PAN3: variants seen among roughly 807,000 people sequenced by gnomAD.
PAN3 encodes poly(A) specific ribonuclease subunit PAN3.
PAN3 carries 19 observed loss-of-function variants against 96.2 expected under a neutral mutation model. That is an observed-to-expected ratio of 0.20 (90% CI 0.14 to 0.29). The LOEUF is 0.29. PAN3 is among the 10% of genes least tolerant of loss of function. The pLI is 1.00. For missense variants in PAN3, 882 were observed against 1,108.1 expected (o/e 0.80, Z 2.90); for synonymous variants, 433 against 406.6 (o/e 1.06, Z -0.78).
At chr13:28,191,966 G>A (rs533783761) in intron 4 of PAN3, among the ~76,000 whole-genome samples, 5 of 151,924 alleles carry the variant, frequency 3.3e-5, no homozygotes, top group Middle Eastern at 3.4e-3. Context: ...TCTTGAAGTC[G>A]GCTCAAACAG....
chr13:28,204,243 A>C (rs1322352065), intron 5 of PAN3, among the ~76,000 whole-genome samples: 1 of 152,162 alleles, frequency 6.6e-6, no homozygotes, highest in Non-Finnish European at 1.5e-5. Context: ...TCTTTCCTTT[A>C]GTCTTTGCCC....
At chr13:28,168,217 A>T (rs1346365846) in intron 1 of PAN3, among the ~76,000 whole-genome samples, 4 of 152,158 alleles carry the variant, frequency 2.6e-5, no homozygotes, top group Admixed American at 2.6e-4. Context: ...TTGGATTTCA[A>T]ATATTTTTGG....
intron 1 of PAN3, among the ~76,000 whole-genome samples, chr13:28,171,882 C>T (rs1327410213): frequency 2.6e-5 from 4 of 152,094 alleles, no homozygotes; most frequent in South Asian, 2.1e-4. Flanking sequence ...TTCTGGTGAA[C>T]GGCTCCCATC....
chr13:28,245,422 C>T (rs1396216461), intron 6 of PAN3, among the ~76,000 whole-genome samples: 2 of 151,194 alleles, frequency 1.3e-5, no homozygotes, highest in African/African-American at 4.9e-5. Context: ...TTCATTGTCC[C>T]CCCAACACCC....
intron 6 of PAN3, among the ~76,000 whole-genome samples, chr13:28,238,800 C>G (rs368085244): frequency 6.6e-6 from 1 of 151,826 alleles, no homozygotes; most frequent in East Asian, 1.9e-4. Context: ...ATTTTTTCCC[C>G]TTTTTTTTCA....
chr13:28,202,433 C>A (rs1204246423), intron 5 of PAN3, among the ~76,000 whole-genome samples: 1 of 151,996 alleles, frequency 6.6e-6, no homozygotes, highest in Non-Finnish European at 1.5e-5. Context: ...AGGATTTATT[C>A]TACCTATCTG....
In PAN3 at chr13:28,201,033, C is replaced by T. The variant is rs140869534; in HGVS notation, c.852+3687C>T. Among the ~76,000 whole-genome samples the T allele has an allele frequency of 3.0e-3, 459 of 151,796 alleles. 3 individuals carry two copies. The highest frequency in any genetic ancestry group is 0.011 in the African/African-American group (437 of 41,382). On this transcript the variant is annotated intron_variant, in intron 5 of 18. Transcript: ENST00000380958. ...TTTTATTGTGAAACTCTCTCTGTCTCTCTCTCTCTTTTTTTTTTTTCGAGA... is the reference window on the plus strand; with the variant it reads ...TTTTATTGTGAAACTCTCTCTGTCTTTCTCTCTCTTTTTTTTTTTTCGAGA...
chr13:28,268,766 ACT>A (rs1392185470), intron 12 of PAN3, among the ~76,000 whole-genome samples: 2 of 151,936 alleles, frequency 1.3e-5, no homozygotes, highest in African/African-American at 4.8e-5. Context: ...TCCTTTCAAG[ACT>A]CTAATTATAG....
At chr13:28,170,106 C>T (rs1874112938) in intron 1 of PAN3, among the ~76,000 whole-genome samples, 1 of 152,106 alleles carries the variant, frequency 6.6e-6, no homozygotes, top group South Asian at 2.1e-4. Flanking sequence ...CTGGCTATAT[C>T]AGCACTCCCT....
chr13:28,173,404 A>T (rs1383490210), intron 1 of PAN3, among the ~76,000 whole-genome samples: 1 of 152,252 alleles, frequency 6.6e-6, no homozygotes, highest in Non-Finnish European at 1.5e-5. Flanking sequence ...AATCACCAAA[A>T]GATATGAACC....
rs1017034878 is a variant in PAN3 at position 28,218,583 on chromosome 13, C to T, written c.853-1648C>T. On this transcript the variant is annotated intron_variant, in intron 5 of 18. Coordinates refer to ENST00000380958, the MANE Select transcript of PAN3 (RefSeq NM_175854.8). ...TAGGTTAATTTTAATAACTTCCACT[C>T]GTACATATTTGGAGGTCCTTTATAA... 3.3e-5 allele frequency among the ~76,000 whole-genome samples: 5 copies of T among 152,102 alleles called. No individual in the cohort carries two copies. In the East Asian group the frequency reaches 7.7e-4, roughly 23 times the overall value.
Position 28,138,605 on chromosome 13 carries a change from G to GCGGCGGCGA in PAN3, c.-53_-52insCGGCGGCGA. 2.1e-6 allele frequency: 1 copy of GCGGCGGCGA among 480,042 alleles called. No individual in the cohort carries two copies. The allele number at this position is 480,042 out of a possible 1,614,324, so 29.7% of individuals were successfully genotyped here. A position where few individuals can be genotyped will look rare whatever the true frequency, so the allele number is the denominator to read the frequency against. On this transcript the variant is annotated 5_prime_UTR_variant, in exon 1 of 19. It adds an upstream start codon to the 5' untranslated region. Transcript: ENST00000380958. The stretch of plus-strand genomic sequence containing the variant: ...TTCCTTTCCTCCCCCGTCTATGGTG[G>GCGGCGGCGA]TGGCGGCGGCGGCTCCTCGGGCGGC...
At chr13:28,283,612 CAGCG>C (rs1868569521) in intron 17 of PAN3, among the ~76,000 whole-genome samples, 2 of 152,096 alleles carry the variant, frequency 1.3e-5, no homozygotes, top group African/African-American at 4.8e-5. Flanking sequence ...TTTATCATAA[CAGCG>C]TGTTTTAGAA....
At chr13:28,214,553 G>T in intron 5 of PAN3, 1 of 354,896 alleles carries the variant, frequency 2.8e-6, no homozygotes, top group Admixed American at 3.6e-5. Context: ...GTCTTCATTG[G>T]ACACATAGAT....
At chr13:28,247,263 A>G (rs1884283427) in intron 6 of PAN3, among the ~76,000 whole-genome samples, 1 of 151,900 alleles carries the variant, frequency 6.6e-6, no homozygotes, top group African/African-American at 2.4e-5. Context: ...AAATCAGACT[A>G]TTTGGATTTA....
intron 17 of PAN3, among the ~76,000 whole-genome samples, chr13:28,286,058 G>C (rs1293230091): frequency 6.6e-6 from 1 of 152,216 alleles, no homozygotes; most frequent in Admixed American, 6.5e-5. Flanking sequence ...AAGCCTTTGT[G>C]AGGGCAGGGA....
intron 6 of PAN3, among the ~76,000 whole-genome samples, chr13:28,242,326 C>T (rs972516459): frequency 6.6e-5 from 10 of 152,092 alleles, no homozygotes; most frequent in African/African-American, 2.2e-4. Context: ...TATTTAGCAT[C>T]TTGGTTGTTG....
intron 17 of PAN3, among the ~76,000 whole-genome samples, chr13:28,283,696 T>G (rs1176142201): frequency 1.3e-5 from 2 of 152,264 alleles, no homozygotes; most frequent in Non-Finnish European, 2.9e-5. Flanking sequence ...ATGACCTGAC[T>G]TATTCCTCAT....
chr13:28,141,003 C>CTTTTTATT (rs1424709117), intron 1 of PAN3, among the ~76,000 whole-genome samples: 2,148 of 112,894 alleles, frequency 0.019, 97 homozygotes, highest in African/African-American at 0.069. Flanking sequence ...GAAAGAGACA[C>CTTTTTATT]TTTTTTTTTT....
Sources: allele counts gnomAD v4.1 joint callset (sites outside exome capture counted in the v4.1 genomes callset), GRCh38; gene constraint gnomAD v4.1.1; transcripts MANE v1.5; gene names NCBI Gene and HGNC (gene_info 2026-07-23, HGNC 2026-07-21).